The following ZFP69 variants were observed in gnomAD, a reference collection of about 807,000 sequenced individuals.
The protein encoded by ZFP69 is zinc finger protein 69 homolog.
A neutral mutation model predicts 48.9 loss-of-function variants in ZFP69; 35 were observed. The observed-to-expected ratio is 0.72, with a 90% CI of 0.55 to 0.95. The LOEUF (loss-of-function observed/expected upper bound fraction) is 0.95, where lower values mean the gene tolerates loss of function less well. ZFP69 is among the 40% of genes least tolerant of loss of function. ZFP69 has a pLI of 0.00. For synonymous variants in ZFP69, 193 were observed against 216.8 expected (o/e 0.89, Z 0.96); for missense variants, 557 against 638.4 (o/e 0.87, Z 1.37).
chr1:40,482,349 TG>T (rs1363065102), intron 3 of ZFP69, among the ~76,000 whole-genome samples: 1 of 151,918 alleles, frequency 6.6e-6, no homozygotes, highest in East Asian at 1.9e-4. Flanking sequence ...GGCCACACAG[TG>T]CACACATCAG....
chr1:40,486,500 C>T (rs538221342), intron 3 of ZFP69, among the ~76,000 whole-genome samples: 2 of 139,974 alleles, frequency 1.4e-5, no homozygotes, highest in Admixed American at 8.1e-5. Flanking sequence ...CTCCCTCCCA[C>T]CACTACCTCT....
chr1:40,483,469 T>C (rs911409262), intron 3 of ZFP69, among the ~76,000 whole-genome samples: 1 of 152,000 alleles, frequency 6.6e-6, no homozygotes, highest in African/African-American at 2.4e-5. Flanking sequence ...GCTCAAACAA[T>C]CCTTCTGCCT....
Position 40,495,890 on chromosome 1 carries a change from G to A in ZFP69, c.1412G>A (p.Arg471His), listed in dbSNP as rs149904505. The change falls in exon 6 of 6, where the codon CGC becomes CAC. Residue 471 changes from arginine (R) to histidine (H), a missense_variant. Arg to His is a conservative substitution (Grantham distance 29). Coordinates refer to ENST00000372706, the MANE Select transcript of ZFP69 (RefSeq NM_001320179.2). The stretch of plus-strand genomic sequence containing the variant: ...GGAGTGAAAGCATATGAATGCAACC[G>A]CTGTGGAAAAGCCTATAGGCATGAT... Reference protein sequence around the residue: ...HTGVKAYECNRCGKAYRHDSS... With the variant: ...HTGVKAYECNHCGKAYRHDSS... The A allele has an allele frequency of 5.2e-4, 842 of 1,614,134 alleles. No homozygotes were observed. The highest frequency in any genetic ancestry group is 1.1e-3 in the Admixed American group (65 of 60,022).
At chr1:40,489,302 C>A (rs184914556) in intron 4 of ZFP69, 88 bp downstream of exon 4, 1 of 1,510,150 alleles carries the variant, frequency 6.6e-7, no homozygotes, top group South Asian at 1.2e-5. Context: ...TTCCTTGAGG[C>A]TTGATTTGGG....
intron 5 of ZFP69, among the ~76,000 whole-genome samples, chr1:40,494,344 C>T (rs1452230368): frequency 1.1e-4 from 14 of 132,592 alleles, no homozygotes; most frequent in African/African-American, 3.6e-4. Context: ...TCTCGGCTCA[C>T]TGCAAGCTCC....
intron 3 of ZFP69, among the ~76,000 whole-genome samples, chr1:40,482,805 T>C (rs1025592706): frequency 2.0e-5 from 3 of 152,210 alleles, no homozygotes; most frequent in African/African-American, 7.2e-5. Context: ...TCTAAGTGTT[T>C]ATACATGTGA....
intron 3 of ZFP69, among the ~76,000 whole-genome samples, chr1:40,485,042 A>T (rs1645482153): frequency 6.6e-6 from 1 of 151,270 alleles, no homozygotes; most frequent in Non-Finnish European, 1.5e-5. Context: ...ACAGGCTCCC[A>T]CCACCATGCC....
Position 40,484,828 on chromosome 1 carries a change from G to A in ZFP69, c.219+2974G>A, listed in dbSNP as rs368013185. Among the ~76,000 whole-genome samples the A allele has an allele frequency of 3.8e-3, 547 of 142,310 alleles. 7 individuals are homozygous for A. The highest frequency in any genetic ancestry group is 0.014 in the African/African-American group (523 of 38,506). The allele number at this position is 142,310 out of a possible 152,430, so 93.4% of individuals were successfully genotyped here. On this transcript the variant is annotated intron_variant, in intron 3 of 5. Coordinates refer to ENST00000372706, the MANE Select transcript of ZFP69 (RefSeq NM_001320179.2). Reference sequence around the variant, plus strand: ...GATCTCCTGACCTCGTGATCCGCCCGCCTCTCCCTCCCAAAGGGCTGAGAT... The same window carrying A: ...GATCTCCTGACCTCGTGATCCGCCCACCTCTCCCTCCCAAAGGGCTGAGAT...
intron 5 of ZFP69, 83 bp from the exon 6 acceptor site, chr1:40,494,838 C>T: frequency 8.3e-7 from 1 of 1,207,240 alleles, no homozygotes; most frequent in Non-Finnish European, 1.2e-6. Flanking sequence ...AAATCTCATG[C>T]ACTTATCCAT....
chr1:40,489,331 T>A, intron 4 of ZFP69, 117 bp downstream of exon 4: 2 of 1,394,972 alleles, frequency 1.4e-6, no homozygotes, highest in Middle Eastern at 1.9e-4. Context: ...TAAAGATGTC[T>A]TATTCCCTTT....
At position 40,495,168 on chromosome 1, in the gene ZFP69, C is replaced by T. The variant is rs760965076; in HGVS notation, c.690C>T (p.Ile230=). The T allele has an allele frequency of 6.2e-6, 10 of 1,614,066 alleles. No individual in the cohort carries two copies. Among genetic ancestry groups the T allele is most frequent in the Non-Finnish European group, 7.6e-6 (9 of 1,179,994 alleles). The change falls in exon 6 of 6, where the codon ATC becomes ATT. Residue 230 remains isoleucine (I), a synonymous_variant. Transcript: ENST00000372706. ...VQETNKFGEN[I]IVHSNVIIEQ... ...AAACTAACAAATTTGGGGAAAATAT[C>T]ATTGTGCATTCAAATGTTATTATTG... is the stretch of plus-strand genomic sequence containing the variant.
At chr1:40,488,478 C>T (rs959624839) in intron 3 of ZFP69, among the ~76,000 whole-genome samples, 1 of 152,194 alleles carries the variant, frequency 6.6e-6, no homozygotes, top group Non-Finnish European at 1.5e-5. Context: ...TAAGAATGCA[C>T]AGGTCTTTGT....
At position 40,486,925 on chromosome 1, in the gene ZFP69, ATT is replaced by A. The variant is rs557530908; in HGVS notation, c.220-2146_220-2145del. On this transcript the variant is annotated intron_variant, in intron 3 of 5. Transcript: ENST00000372706. ...CTTGTAGAATTTTCATTTACAGTTG[ATT>A]TTTTTTTTTTTTTTTTAAGATGGAG... Among the ~76,000 whole-genome samples, 483 of 135,334 alleles carry A rather than the reference ATT, an allele frequency of 3.6e-3. 2 individuals carry two copies. Among genetic ancestry groups the A allele is most frequent in the African/African-American group, 0.012 (432 of 36,934 alleles). The allele number at this position is 135,334 out of a possible 152,430, so 88.8% of individuals were successfully genotyped here.
At position 40,477,559 on chromosome 1, in the gene ZFP69, C is replaced by G. The variant is rs567116563; in HGVS notation, c.-662C>G. The G allele has an allele frequency of 7.2e-4, 109 of 152,410 alleles. No homozygotes were observed. The highest frequency in any genetic ancestry group is 2.5e-3 in the African/African-American group (105 of 41,582). The allele number at this position is 152,410 out of a possible 1,614,324, so 9.4% of individuals were successfully genotyped here. A position where few individuals can be genotyped will look rare whatever the true frequency, so the allele number is the denominator to read the frequency against. Reference sequence around the variant, plus strand: ...CAAGACGCCGGCTCAGGGCATCCCTCCCATTCCGGCCCTCAAAGCCTCGCT... The same window carrying G: ...CAAGACGCCGGCTCAGGGCATCCCTGCCATTCCGGCCCTCAAAGCCTCGCT... On this transcript the variant is annotated 5_prime_UTR_variant, in exon 1 of 6. Coordinates refer to ENST00000372706, the MANE Select transcript of ZFP69 (RefSeq NM_001320179.2). The surrounding 1 kb of genome is among the most constrained non-coding windows in gnomAD (Gnocchi z 4.0).
Position 40,495,296 on chromosome 1 carries a change from G to A in ZFP69, c.818G>A (p.Cys273Tyr), listed in dbSNP as rs1200249549. The change falls in exon 6 of 6, where the codon TGT becomes TAT. Residue 273 changes from cysteine (C) to tyrosine (Y), a missense_variant. Coordinates refer to ENST00000372706, the MANE Select transcript of ZFP69 (RefSeq NM_001320179.2). ...TACATAAGAACAAAAACCTATGAAT[G>A]TAATATATGTGAAAAAATCTTCAAA... ...TSYIRTKTYE[C>Y]NICEKIFKQP... 1 of 1,613,988 alleles carries A rather than the reference G, an allele frequency of 6.2e-7. No homozygotes were observed. The highest frequency in any genetic ancestry group is 1.1e-5 in the South Asian group (1 of 91,068).
In ZFP69 at chr1:40,495,246, AGATTT is replaced by A; in HGVS notation, c.773_777del (p.Leu258Ter). 1 of 1,614,110 alleles carries A rather than the reference AGATTT, an allele frequency of 6.2e-7. No individual in the cohort carries two copies. ...CTACAAAGCGGAACACATACAAATT[AGATTT>A]GATTAATCATCCAACAAGTTACATA... On this transcript the variant is annotated frameshift_variant, in exon 6 of 6. Transcript: ENST00000372706. LOFTEE classifies it high-confidence loss of function.
At chr1:40,486,898 C>T (rs1234265208) in intron 3 of ZFP69, among the ~76,000 whole-genome samples, 1 of 150,806 alleles carries the variant, frequency 6.6e-6, no homozygotes, top group African/African-American at 2.4e-5. Flanking sequence ...TTGTCTTTTT[C>T]ACTTGTAGAA....
At chr1:40,487,477 A>T (rs1645513325) in intron 3 of ZFP69, among the ~76,000 whole-genome samples, 1 of 152,194 alleles carries the variant, frequency 6.6e-6, no homozygotes, top group African/African-American at 2.4e-5. Flanking sequence ...TATTATAAAA[A>T]GTTAAAAATT....
Position 40,495,547 on chromosome 1 carries a change from T to G in ZFP69, c.1069T>G (p.Cys357Gly). ...TCACACTGGGGAGAAACCCTATGTA[T>G]GTGATAAATGTCAGAAAGCTTTCAG... is the stretch of plus-strand genomic sequence containing the variant. ...RTHTGEKPYVCDKCQKAFSQN... is the reference protein window; with the variant it reads ...RTHTGEKPYVGDKCQKAFSQN... The change falls in exon 6 of 6, where the codon TGT becomes GGT. Residue 357 changes from cysteine to glycine, a missense_variant. By Grantham distance (159) the Cys-to-Gly change is radical. Coordinates refer to ENST00000372706, the MANE Select transcript of ZFP69 (RefSeq NM_001320179.2). 1 of 1,614,252 alleles carries G rather than the reference T, an allele frequency of 6.2e-7. No individual in the cohort carries two copies. Among genetic ancestry groups the G allele is most frequent in the African/African-American group, 1.3e-5 (1 of 75,076 alleles).
Sources: allele counts gnomAD v4.1 joint callset (sites outside exome capture counted in the v4.1 genomes callset), GRCh38; gene constraint gnomAD v4.1.1; non-coding constraint Gnocchi (gnomAD v3.1); transcripts MANE v1.5; gene names NCBI Gene and HGNC (gene_info 2026-07-23, HGNC 2026-07-21).